Variants in PCDHGA6 observed in about 807,000 individuals in gnomAD.
PCDHGA6 encodes the protein protocadherin gamma-A6.
PCDHGA6 carries 41 observed loss-of-function variants against 60.6 expected under a neutral mutation model. That is an observed-to-expected ratio of 0.68 (90% CI 0.53 to 0.88). The LOEUF (loss-of-function observed/expected upper bound fraction) is 0.88, where lower values mean the gene tolerates loss of function less well. Among genes scored for constraint, PCDHGA6 ranks in the 40% least tolerant of loss-of-function variants. PCDHGA6 has a pLI of 0.00. For synonymous variants in PCDHGA6, 594 were observed against 524.4 expected (o/e 1.13, Z -1.81); for missense variants, 1,312 against 1,203.0 (o/e 1.09, Z -1.34).
intron 3 of PCDHGA6, among the ~76,000 whole-genome samples, chr5:141,506,363 C>T (rs1013247178): frequency 4.0e-5 from 6 of 150,792 alleles, no homozygotes; most frequent in South Asian, 4.2e-4. Context: ...GCAGGAGAAT[C>T]GCTTGAACCT....
In PCDHGA6 at chr5:141,491,925, G is replaced by A. The variant is rs1019181943; in HGVS notation, c.2425-2882G>A. 5 of 1,325,176 alleles carry A rather than the reference G, an allele frequency of 3.8e-6. No homozygotes were observed. In the Admixed American group the frequency reaches 1.5e-4, roughly 39 times the overall value. 82.1% of individuals were successfully genotyped at this position (1,325,176 alleles called of 1,614,324 possible). A position where few individuals can be genotyped will look rare whatever the true frequency, so the allele number is the denominator to read the frequency against. On this transcript the variant is annotated intron_variant, in intron 1 of 3. Coordinates refer to ENST00000517434, the MANE Select transcript of PCDHGA6 (RefSeq NM_018919.3). The surrounding 1 kb of genome is among the most constrained non-coding windows in gnomAD (Gnocchi z 6.9). ...GGGTGGTGGCGACTGTGGGCGAGGG[G>A]AGGTGGGACCGACCCCCACCCCTAC...
chr5:141,398,831 C>G (rs1488126013), intron 1 of PCDHGA6: 13 of 1,614,014 alleles, frequency 8.1e-6, no homozygotes, highest in Non-Finnish European at 1.1e-5. Context: ...GTAACCGACG[C>G]CAATGATAAT....
At chr5:141,443,631 T>C (rs541727440) in intron 1 of PCDHGA6, among the ~76,000 whole-genome samples, 1 of 152,332 alleles carries the variant, frequency 6.6e-6, no homozygotes, top group South Asian at 2.1e-4. Context: ...ATTGTAAAAA[T>C]TGATCCAGAT....
intron 1 of PCDHGA6, chr5:141,385,163 A>T: frequency 6.2e-7 from 1 of 1,614,182 alleles, no homozygotes; most frequent in Non-Finnish European, 8.5e-7. Flanking sequence ...ACCTATTCCC[A>T]TGAGGTCTCC....
Position 141,432,388 on chromosome 5 carries a change from C to T in PCDHGA6, c.2424+55881C>T. The T allele has an allele frequency of 6.2e-7, 1 of 1,614,258 alleles. No homozygotes were observed. The highest frequency in any genetic ancestry group is 2.2e-5 in the East Asian group (1 of 44,892). The stretch of plus-strand genomic sequence containing the variant: ...GGGACAACGGGCACCCGCCCCTCAG[C>T]AGCAACGTGTCGTTGAGCCTGTTCG... On this transcript the variant is annotated intron_variant, in intron 1 of 3. Transcript: ENST00000517434. This position sits in a 1 kb window ranked among gnomAD's most constrained non-coding sequence, Gnocchi z 6.0.
chr5:141,486,832 A>G lies in PCDHGA6; in HGVS notation c.2425-7975A>G. 2.5e-6 allele frequency: 4 copies of G among 1,614,182 alleles called. No individual in the cohort carries two copies. Among genetic ancestry groups the G allele is most frequent in the South Asian group, 1.1e-5 (1 of 91,082 alleles). ...TTAGCAGCACTGTAACAGTTCGTCT[A>G]TTTGTGCTGGACCTCAATGACAATG... On this transcript the variant is annotated intron_variant, in intron 1 of 3. Transcript: ENST00000517434. The surrounding 1 kb of genome is among the most constrained non-coding windows in gnomAD (Gnocchi z 5.0).
chr5:141,490,345 G>GT lies in PCDHGA6; in HGVS notation c.2425-4461dup, dbSNP rs1363310763. The GT allele has an allele frequency of 6.2e-7, 1 of 1,614,216 alleles. No individual in the cohort carries two copies. The highest frequency in any genetic ancestry group is 2.2e-5 in the East Asian group (1 of 44,886). ...AGAGAGCACACCAGTGGGCACAGTAGTGGGGTTGTTTAATGTGCGAGACCG... is the reference window on the plus strand; with the variant it reads ...AGAGAGCACACCAGTGGGCACAGTAGTTGGGGTTGTTTAATGTGCGAGACCG... On this transcript the variant is annotated intron_variant, in intron 1 of 3. Transcript: ENST00000517434. This position sits in a 1 kb window ranked among gnomAD's most constrained non-coding sequence, Gnocchi z 5.4.
At chr5:141,482,442 C>A (rs942933015) in intron 1 of PCDHGA6, among the ~76,000 whole-genome samples, 23 of 147,678 alleles carry the variant, frequency 1.6e-4, no homozygotes, top group African/African-American at 5.6e-4. Context: ...CTGATATTCA[C>A]CATTTATTAG....
intron 1 of PCDHGA6, chr5:141,393,628 G>A: frequency 6.2e-7 from 1 of 1,613,922 alleles, no homozygotes; most frequent in African/African-American, 1.3e-5. Context: ...CCGGATGAGG[G>A]AATCAACGGA....
intron 2 of PCDHGA6, among the ~76,000 whole-genome samples, chr5:141,496,841 G>C (rs2099771828): frequency 6.6e-6 from 1 of 151,398 alleles, no homozygotes; most frequent in South Asian, 2.1e-4. Context: ...GAACTCATAG[G>C]CTTCCAGACC....
chr5:141,477,287 G>T lies in PCDHGA6; in HGVS notation c.2425-17520G>T. ...CGAGAACGGGCTGGTGACCTGCGAA[G>T]TTCCACCGGGTCTCCCTTTCAGCCT... On this transcript the variant is annotated intron_variant, in intron 1 of 3. Coordinates refer to ENST00000517434, the MANE Select transcript of PCDHGA6 (RefSeq NM_018919.3). The surrounding 1 kb of genome is among the most constrained non-coding windows in gnomAD (Gnocchi z 4.9). The T allele has an allele frequency of 6.2e-7, 1 of 1,614,190 alleles. No homozygotes were observed.
chr5:141,466,297 A>G (rs1206472131), intron 1 of PCDHGA6, among the ~76,000 whole-genome samples: 3 of 152,146 alleles, frequency 2.0e-5, no homozygotes, highest in East Asian at 1.9e-4. Flanking sequence ...CAGGCTCCCA[A>G]GTAGCTGGGA....
In PCDHGA6 at chr5:141,493,211, G is replaced by C. The variant is rs1312763933; in HGVS notation, c.2425-1596G>C. Reference sequence around the variant, plus strand: ...CTCCTTTGAGAACCTCATCTCATTTGCTCTTCCCACCATTGCTGTTGGCTA... The same window carrying C: ...CTCCTTTGAGAACCTCATCTCATTTCCTCTTCCCACCATTGCTGTTGGCTA... On this transcript the variant is annotated intron_variant, in intron 1 of 3. Transcript: ENST00000517434. The surrounding 1 kb of genome is among the most constrained non-coding windows in gnomAD (Gnocchi z 4.3). 6.6e-6 allele frequency among the ~76,000 whole-genome samples: 1 copy of C among 152,180 alleles called. No individual in the cohort carries two copies. The highest frequency in any genetic ancestry group is 2.4e-5 in the African/African-American group (1 of 41,436).
chr5:141,388,256 G>T, intron 1 of PCDHGA6: 1 of 1,611,074 alleles, frequency 6.2e-7, no homozygotes, highest in Non-Finnish European at 8.5e-7. Flanking sequence ...TGGAGATCGA[G>T]GACATTAATG....
chr5:141,423,434 T>C, intron 1 of PCDHGA6: 1 of 1,614,036 alleles, frequency 6.2e-7, no homozygotes, highest in Non-Finnish European at 8.5e-7. Flanking sequence ...TTGGCAGGTA[T>C]GCCCACGTCA....
At chr5:141,501,837 G>C (rs2099811299) in intron 2 of PCDHGA6, among the ~76,000 whole-genome samples, 1 of 152,018 alleles carries the variant, frequency 6.6e-6, no homozygotes, top group Admixed American at 6.5e-5. Flanking sequence ...CCACCTGTTT[G>C]GCCCTCAACC....
intron 1 of PCDHGA6, among the ~76,000 whole-genome samples, chr5:141,470,737 G>A (rs117064561): frequency 6.6e-6 from 1 of 152,016 alleles, no homozygotes; most frequent in African/African-American, 2.4e-5. Flanking sequence ...TTGCTCTGTC[G>A]CCCTGGCTGG....
chr5:141,385,095 G>A (rs1780850874), intron 1 of PCDHGA6: 9 of 1,614,202 alleles, frequency 5.6e-6, no homozygotes, highest in East Asian at 4.5e-5. Context: ...AAGGTGGCTT[G>A]GCGAACGTGC....
intron 2 of PCDHGA6, among the ~76,000 whole-genome samples, chr5:141,495,703 GGAGT>G (rs2099763108): frequency 6.6e-6 from 1 of 152,098 alleles, no homozygotes; most frequent in South Asian, 2.1e-4. Context: ...CAATAAATGT[GGAGT>G]GAGTAACTAC....
Sources: gnomAD v4.1 joint callset for allele counts (sites outside exome capture counted in the v4.1 genomes callset) on GRCh38, gnomAD v4.1.1 for gene constraint, Gnocchi (gnomAD v3.1) non-coding constraint, MANE v1.5 for transcripts, NCBI Gene and HGNC (gene_info 2026-07-23, HGNC 2026-07-21) for gene names.